Variants in SPTAN1 observed in about 807,000 individuals in gnomAD.
SPTAN1 encodes the protein spectrin alpha, non-erythrocytic 1.
Under a neutral mutation model 331.3 loss-of-function variants are expected in SPTAN1, and 61 were observed. That is an observed-to-expected ratio of 0.18 (90% CI 0.15 to 0.23). SPTAN1 has a LOEUF of 0.23. Among genes scored for constraint, SPTAN1 ranks in the 10% least tolerant of loss-of-function variants. SPTAN1 has a pLI of 1.00. For synonymous variants in SPTAN1, 1,153 were observed against 1,173.9 expected (o/e 0.98, Z 0.36); for missense variants, 2,043 against 3,147.9 (o/e 0.65, Z 8.40).
intron 45 of SPTAN1, chr9:128,621,718 T>C (rs918302749): frequency 1.7e-5 from 4 of 233,270 alleles, no homozygotes; most frequent in African/African-American, 8.9e-5. Flanking sequence ...TTTAATAGGA[T>C]CATATCACTC....
intron 46 of SPTAN1, chr9:128,624,699 A>G: frequency 1.6e-6 from 1 of 615,648 alleles, no homozygotes; most frequent in Non-Finnish European, 2.8e-6. Flanking sequence ...ACCAGGGTCA[A>G]TAAACAAAAG....
intron 2 of SPTAN1, among the ~76,000 whole-genome samples, chr9:128,567,587 C>A (rs1200693390): frequency 3.9e-5 from 6 of 151,982 alleles, no homozygotes; most frequent in Non-Finnish European, 8.8e-5. Flanking sequence ...CCACACCTGG[C>A]CTGGAATGAG....
intron 23 of SPTAN1, chr9:128,593,585 G>A: frequency 5.0e-6 from 1 of 199,856 alleles, no homozygotes; most frequent in South Asian, 8.9e-5. Flanking sequence ...AATCTTTCAA[G>A]TAACAGAATG....
chr9:128,608,854 A>G lies in SPTAN1; in HGVS notation c.4492-20A>G, dbSNP rs944908728. ...CCAGCCACAGGCCCACCTTGATCTC[A>G]TGCCTTTGTTTTCTGACAGGAAGAG... is the stretch of plus-strand genomic sequence containing the variant. On this transcript the variant is annotated intron_variant, in intron 34 of 56. Coordinates refer to ENST00000372739, the MANE Select transcript of SPTAN1 (RefSeq NM_001130438.3). 17 of 1,612,024 alleles carry G rather than the reference A, an allele frequency of 1.1e-5. No homozygotes were observed. In the Middle Eastern group the frequency reaches 2.1e-3, roughly 196 times the overall value.
At position 128,621,265 on chromosome 9, in the gene SPTAN1, A is replaced by T; in HGVS notation, c.5832+9A>T. On this transcript the variant is annotated intron_variant, in intron 45 of 56. Coordinates refer to ENST00000372739, the MANE Select transcript of SPTAN1 (RefSeq NM_001130438.3). ...AAGACCTCATTAAGAAGGTGAGTCC[A>T]GCCCATTGGTAAGACCTCCATCGCC... The T allele has an allele frequency of 6.2e-7, 1 of 1,611,658 alleles. No individual in the cohort carries two copies. The highest frequency in any genetic ancestry group is 8.5e-7 in the Non-Finnish European group (1 of 1,179,084).
chr9:128,607,699 A>G lies in SPTAN1; in HGVS notation c.4142A>G (p.His1381Arg). ...GGAGCTGAGGCATTGCTGGAGCGAC[A>G]CCAGGTGGGTGGACCTGCCTGCTGA... ...VTGAEALLERHQEHRTEIDAR... is the reference protein window; with the variant it reads ...VTGAEALLERRQEHRTEIDAR... The change falls in exon 32 of 57, where the codon CAC (histidine) becomes CGC (arginine). Residue 1381 changes from histidine to arginine, a missense_variant. Around this residue, in one of 12 missense-constraint regions of SPTAN1, gnomAD observed 179 missense variants for 215.7 expected, o/e 0.83. Transcript: ENST00000372739. The G allele has an allele frequency of 6.2e-7, 1 of 1,614,092 alleles. No individual in the cohort carries two copies. Among genetic ancestry groups the G allele is most frequent in the South Asian group, 1.1e-5 (1 of 91,068 alleles).
In SPTAN1 at chr9:128,633,307, G is replaced by A. The variant is rs1860134225; in HGVS notation, c.7407G>A (p.Glu2469=). The A allele has an allele frequency of 1.9e-6, 3 of 1,613,860 alleles. No homozygotes were observed. The highest frequency in any genetic ancestry group is 2.5e-6 in the Non-Finnish European group (3 of 1,180,048). Residue 2469 remains glutamate, a synonymous_variant, in exon 57 of 57, where the codon GAG becomes GAA. Coordinates refer to ENST00000372739, the MANE Select transcript of SPTAN1 (RefSeq NM_001130438.3). The stretch of plus-strand genomic sequence containing the variant: ...TCCCCACCGCGTTCGACTACGTGGA[G>A]TTCACCCGCTCGCTTTTCGTGAACT... The part of the protein sequence containing the change: ...RELPTAFDYV[E]FTRSLFVN
At chr9:128,592,305 C>T (rs1315753940) in intron 22 of SPTAN1, among the ~76,000 whole-genome samples, 4 of 149,432 alleles carry the variant, frequency 2.7e-5, no homozygotes, top group Admixed American at 2.0e-4. Context: ...GACAGATTCT[C>T]GCTCTGTCAT....
chr9:128,620,031 A>C (rs1857645880), intron 44 of SPTAN1, among the ~76,000 whole-genome samples: 1 of 152,174 alleles, frequency 6.6e-6, no homozygotes, highest in Admixed American at 6.5e-5. Context: ...AGCTGGCTAG[A>C]CCAACCTCCT....
Position 128,627,598 on chromosome 9 carries a change from A to C in SPTAN1, c.6689+100A>C. 1 of 1,186,274 alleles carries C rather than the reference A, an allele frequency of 8.4e-7. No homozygotes were observed. The highest frequency in any genetic ancestry group is 1.2e-6 in the Non-Finnish European group (1 of 816,300). 73.5% of individuals were successfully genotyped at this position (1,186,274 alleles called of 1,614,324 possible). A position where few individuals can be genotyped will look rare whatever the true frequency, so the allele number is the denominator to read the frequency against. ...AGGAGGTGGTGGTGCTTTGTGTAAA[A>C]CCAGAGGCAGCCTGGGAATAAAGCT... On this transcript the variant is annotated intron_variant, in intron 50 of 56. Transcript: ENST00000372739. The surrounding 1 kb of genome is among the most constrained non-coding windows in gnomAD (Gnocchi z 4.9).
intron 3 of SPTAN1, among the ~76,000 whole-genome samples, chr9:128,573,900 G>C (rs1026405069): frequency 3.3e-5 from 5 of 152,164 alleles, no homozygotes; most frequent in Admixed American, 2.6e-4. Context: ...GATTACAGGT[G>C]TGCGCCCCCA....
Position 128,625,693 on chromosome 9 carries a change from G to A in SPTAN1, c.6070-76G>A, listed in dbSNP as rs1858630227. 4.3e-6 allele frequency: 6 copies of A among 1,411,180 alleles called. No homozygotes were observed. The highest frequency in any genetic ancestry group is 1.7e-5 in the Admixed American group (1 of 59,624). 87.4% of individuals were successfully genotyped at this position (1,411,180 alleles called of 1,614,324 possible). On this transcript the variant is annotated intron_variant, in intron 47 of 56. Coordinates refer to ENST00000372739, the MANE Select transcript of SPTAN1 (RefSeq NM_001130438.3). The surrounding 1 kb of genome is among the most constrained non-coding windows in gnomAD (Gnocchi z 4.1). ...GCTTGGGCATCTGGGGGACATGCTG[G>A]TGCCATCTGAGCCTAGGAAGAGCAA...
intron 1 of SPTAN1, among the ~76,000 whole-genome samples, chr9:128,564,345 G>A (rs1332550585): frequency 2.6e-5 from 4 of 151,942 alleles, no homozygotes; most frequent in Non-Finnish European, 5.9e-5. Flanking sequence ...CTTGAACCCG[G>A]GATGCAGAGG....
At chr9:128,626,233 T>A (rs1858713556) in intron 48 of SPTAN1, 158 bp from the exon 49 acceptor site, 2 of 1,056,594 alleles carry the variant, frequency 1.9e-6, no homozygotes, top group Non-Finnish European at 2.9e-6. Flanking sequence ...TGGTGAAGAC[T>A]TGAAGGGGGA....
At position 128,605,308 on chromosome 9, in the gene SPTAN1, G is replaced by T; in HGVS notation, c.3877G>T (p.Gly1293Cys). ...TTTCTTCCCATAGGTAAACTCCCTT[G>T]GTGAAACAGCAGAGCGCCTGATCCA... ...AALGDKVNSL[G>C]ETAERLIQSH... The change falls in exon 31 of 57, where the codon GGT becomes TGT. Residue 1293 changes from glycine (G) to cysteine (C), a missense_variant. Physicochemically the swap from Gly to Cys is radical, Grantham distance 159 (BLOSUM62 -3). Around this residue, in one of 12 missense-constraint regions of SPTAN1, gnomAD observed 42 missense variants for 106.0 expected, o/e 0.40. Coordinates refer to ENST00000372739, the MANE Select transcript of SPTAN1 (RefSeq NM_001130438.3). 6.2e-7 allele frequency: 1 copy of T among 1,614,176 alleles called. No homozygotes were observed. The highest frequency in any genetic ancestry group is 8.5e-7 in the Non-Finnish European group (1 of 1,180,034).
In SPTAN1 at chr9:128,570,897, G is replaced by A. The variant is rs557097779; in HGVS notation, c.363+2000G>A. 1.8e-3 allele frequency among the ~76,000 whole-genome samples: 281 copies of A among 152,210 alleles called. 1 individual carries two copies. Among genetic ancestry groups the A allele is most frequent in the South Asian group, 3.9e-3 (19 of 4,824 alleles). ...GCTGGTCTCAAACTCCCAACCTCAG[G>A]TGATCTGCCCGCCTTGGCCTCCCAA... On this transcript the variant is annotated intron_variant, in intron 3 of 56. Coordinates refer to ENST00000372739, the MANE Select transcript of SPTAN1 (RefSeq NM_001130438.3).
At chr9:128,594,106 G>A in intron 23 of SPTAN1, 69 bp from the exon 24 acceptor site, 1 of 1,501,494 alleles carries the variant, frequency 6.7e-7, no homozygotes, top group Non-Finnish European at 9.3e-7. Context: ...CTCGTGGTTT[G>A]CCTTTATGTT....
chr9:128,579,661 A>G lies in SPTAN1; in HGVS notation c.1246A>G (p.Ser416Gly). Reference protein sequence around the residue: ...HKGEIDAHEDSFKSADESGQA... With the variant: ...HKGEIDAHEDGFKSADESGQA... ...GGGTGAAATTGATGCCCATGAAGAC[A>G]GCTTCAAATCTGCAGATGAATCTGG... Residue 416 changes from serine (S) to glycine (G), a missense_variant, in exon 10 of 57, where the codon AGC (serine) becomes GGC (glycine). Physicochemically the swap from Ser to Gly is moderately conservative, Grantham distance 56 (BLOSUM62 0). Coordinates refer to ENST00000372739, the MANE Select transcript of SPTAN1 (RefSeq NM_001130438.3). 2 of 1,614,134 alleles carry G rather than the reference A, an allele frequency of 1.2e-6. No individual in the cohort carries two copies. The highest frequency in any genetic ancestry group is 1.7e-6 in the Non-Finnish European group (2 of 1,179,996).
chr9:128,560,714 A>G (rs1210487754), intron 1 of SPTAN1, among the ~76,000 whole-genome samples: 1 of 152,080 alleles, frequency 6.6e-6, no homozygotes, highest in African/African-American at 2.4e-5. Flanking sequence ...AGATGTGAAA[A>G]GGAACTAATA....
Sources: gnomAD v4.1 joint callset for allele counts (sites outside exome capture counted in the v4.1 genomes callset) on GRCh38, gnomAD v4.1.1 for gene constraint, gnomAD v4.1.1 regional missense constraint, Gnocchi (gnomAD v3.1) non-coding constraint, MANE v1.5 for transcripts, NCBI Gene and HGNC (gene_info 2026-07-23, HGNC 2026-07-21) for gene names.